Variants in LTBP1 observed in about 807,000 individuals in gnomAD.
The protein encoded by LTBP1 is latent transforming growth factor beta binding protein 1.
Under a neutral mutation model 207.6 loss-of-function variants are expected in LTBP1, and 129 were observed. That is an observed-to-expected ratio of 0.62 (90% CI 0.54 to 0.72). The LOEUF is 0.72. LTBP1 is among the 30% of genes least tolerant of loss of function. LTBP1 has a pLI of 0.00. For missense variants in LTBP1, 2,281 were observed against 2,217.2 expected, an observed-to-expected ratio of 1.03 and a Z score of -0.58; for synonymous variants, 963 against 833.7, an observed-to-expected ratio of 1.16 and a Z score of -2.67.
chr2:33,379,020 C>T (rs1392621409), intron 31 of LTBP1, among the ~76,000 whole-genome samples: 3 of 152,076 alleles, frequency 2.0e-5, no homozygotes, highest in African/African-American at 7.2e-5. Flanking sequence ...AAGCAGATTA[C>T]AAAACATTAG....
rs34843933 is a variant in LTBP1, at chr2:33,078,862, C to CTT, written c.864-31706_864-31705dup. Among the ~76,000 whole-genome samples the CTT allele has an allele frequency of 1.5e-3, 160 of 106,890 alleles. 4 individuals are homozygous for CTT. The highest frequency in any genetic ancestry group is 4.6e-3 in the African/African-American group (143 of 31,074). 70.1% of individuals were successfully genotyped at this position (106,890 alleles called of 152,430 possible). On this transcript the variant is annotated intron_variant, in intron 3 of 33. Coordinates refer to ENST00000404816, the MANE Select transcript of LTBP1 (RefSeq NM_206943.4). ...CTTCTGTTTTCTTTTCTTTTCTTTT[C>CTT]TTTTTTTTTTTTTTTGAGACAGAGT...
chr2:33,352,908 A>T (rs978366657), intron 26 of LTBP1, among the ~76,000 whole-genome samples: 4 of 151,492 alleles, frequency 2.6e-5, no homozygotes, highest in African/African-American at 9.7e-5. Context: ...CGCTTTCCCA[A>T]GATGATGACT....
At chr2:33,047,684 C>G (rs1256913982) in intron 3 of LTBP1, among the ~76,000 whole-genome samples, 1 of 152,134 alleles carries the variant, frequency 6.6e-6, no homozygotes, top group Admixed American at 6.5e-5. Flanking sequence ...AATTTTCTGT[C>G]TCGTTGATCT....
chr2:33,214,198 T>C (rs1204942149), intron 7 of LTBP1, among the ~76,000 whole-genome samples: 1 of 152,198 alleles, frequency 6.6e-6, no homozygotes, highest in African/African-American at 2.4e-5. Flanking sequence ...TAAGCATGCT[T>C]TGGCAGCCAG....
chr2:33,380,538 T>C (rs535188083), intron 31 of LTBP1, among the ~76,000 whole-genome samples: 1 of 152,068 alleles, frequency 6.6e-6, no homozygotes, highest in African/African-American at 2.4e-5. Context: ...CATTGAACTC[T>C]AGCTTGGGGG....
intron 3 of LTBP1, among the ~76,000 whole-genome samples, chr2:33,046,747 G>T (rs535437954): frequency 1.3e-5 from 2 of 152,048 alleles, no homozygotes; most frequent in Non-Finnish European, 2.9e-5. Flanking sequence ...GGTCCTGGAC[G>T]TTTTTTGGTT....
chr2:33,047,388 G>A (rs562456347), intron 3 of LTBP1, among the ~76,000 whole-genome samples: 3 of 152,288 alleles, frequency 2.0e-5, no homozygotes, highest in African/African-American at 7.2e-5. Flanking sequence ...AGTCAATTCA[G>A]GAGCAGGTTG....
At chr2:33,164,352 G>GAAAAAAA (rs56916166) in intron 5 of LTBP1, among the ~76,000 whole-genome samples, 25 of 28,238 alleles carry the variant, frequency 8.9e-4, no homozygotes, top group South Asian at 1.6e-3. Flanking sequence ...TTCCTCTCAG[G>GAAAAAAA]AAAAAAAAAA....
chr2:33,120,703 A>G (rs2081056922), intron 4 of LTBP1, among the ~76,000 whole-genome samples: 1 of 152,216 alleles, frequency 6.6e-6, no homozygotes, highest in African/African-American at 2.4e-5. Context: ...CTCTGGGTAT[A>G]TATCCAGTAA....
intron 26 of LTBP1, among the ~76,000 whole-genome samples, chr2:33,350,390 A>G (rs962391777): frequency 1.3e-5 from 2 of 152,226 alleles, no homozygotes; most frequent in African/African-American, 2.4e-5. Context: ...AGAGCTTTCC[A>G]GTAACTAACA....
chr2:33,075,378 A>G (rs189884955), intron 3 of LTBP1, among the ~76,000 whole-genome samples: 23 of 152,334 alleles, frequency 1.5e-4, no homozygotes, highest in African/African-American at 4.3e-4. Context: ...AACCTTAGGT[A>G]TACATTTTGA....
chr2:33,212,298 T>C (rs1490965406), intron 7 of LTBP1, among the ~76,000 whole-genome samples: 25 of 152,144 alleles, frequency 1.6e-4, no homozygotes, highest in Admixed American at 1.4e-3. Context: ...TTTGCCTTAT[T>C]TGTATAAGTG....
intron 9 of LTBP1, among the ~76,000 whole-genome samples, chr2:33,233,597 T>C (rs915299255): frequency 6.6e-6 from 1 of 152,148 alleles, no homozygotes; most frequent in Non-Finnish European, 1.5e-5. Context: ...AAGTTTATTT[T>C]CATCCTCCCC....
At chr2:33,121,358 C>G (rs1475444900) in intron 4 of LTBP1, among the ~76,000 whole-genome samples, 3 of 151,854 alleles carry the variant, frequency 2.0e-5, no homozygotes, top group African/African-American at 7.3e-5. Context: ...TCCTTGTATC[C>G]TATAAACAGA....
intron 7 of LTBP1, among the ~76,000 whole-genome samples, chr2:33,191,150 A>C (rs1558786129): frequency 6.6e-6 from 1 of 152,208 alleles, no homozygotes; most frequent in Non-Finnish European, 1.5e-5. Context: ...CCCGTTTCCA[A>C]GTTGGAACAC....
chr2:33,280,310 T>G (rs988417768), intron 19 of LTBP1, 152 bp downstream of exon 19: 8 of 737,312 alleles, frequency 1.1e-5, no homozygotes, highest in Non-Finnish European at 1.4e-5. Flanking sequence ...TTTTAACCAT[T>G]GAGAAAATAA....
chr2:33,141,686 C>T (rs1264047608), intron 5 of LTBP1, among the ~76,000 whole-genome samples: 7 of 152,122 alleles, frequency 4.6e-5, no homozygotes, highest in African/African-American at 1.7e-4. Context: ...GAGCAGGGAC[C>T]TGATGAAGTG....
chr2:33,343,063 C>T, intron 25 of LTBP1, 100 bp downstream of exon 25: 1 of 1,319,098 alleles, frequency 7.6e-7, no homozygotes, highest in Non-Finnish European at 1.0e-6. Flanking sequence ...TTGGGTAGAG[C>T]TTTATCGTAA....
intron 2 of LTBP1, among the ~76,000 whole-genome samples, chr2:32,984,426 C>A (rs1245446480): frequency 1.3e-5 from 2 of 152,040 alleles, no homozygotes; most frequent in Admixed American, 6.5e-5. Context: ...GATGGTTTTT[C>A]AAAAATAGGA....
Sources: allele counts gnomAD v4.1 joint callset (sites outside exome capture counted in the v4.1 genomes callset), GRCh38; gene constraint gnomAD v4.1.1; transcripts MANE v1.5; gene names NCBI Gene and HGNC (gene_info 2026-07-23, HGNC 2026-07-21).